The following GLG1 variants were observed in gnomAD, a reference collection of about 807,000 sequenced individuals.
The protein encoded by GLG1 is Golgi apparatus protein 1.
In GLG1, 38 loss-of-function variants were observed where a neutral mutation model predicts 160.5. That is an observed-to-expected ratio of 0.24 (90% confidence interval 0.18 to 0.31). The LOEUF is 0.31. GLG1 is among the 10% of genes least tolerant of loss of function. The pLI, the probability that GLG1 is intolerant of heterozygous loss-of-function variation, is 1.00. For synonymous variants in GLG1, 644 were observed against 543.4 expected (o/e 1.19, Z -2.57); for missense variants, 1,373 against 1,505.2 (o/e 0.91, Z 1.45).
At chr16:74,538,042 T>C (rs1253628862) in intron 1 of GLG1, among the ~76,000 whole-genome samples, 2 of 151,302 alleles carry the variant, frequency 1.3e-5, no homozygotes, top group African/African-American at 2.4e-5. Context: ...GAGTTGGATG[T>C]TGTCTAAAAT....
At chr16:74,483,949 G>A (rs1030592080) in intron 9 of GLG1, among the ~76,000 whole-genome samples, 14 of 152,028 alleles carry the variant, frequency 9.2e-5, no homozygotes, top group East Asian at 1.9e-4. Context: ...GTGAGCCACC[G>A]TGCCCGGCCC....
At chr16:74,578,957 G>C (rs958447888) in intron 1 of GLG1, among the ~76,000 whole-genome samples, 14 of 152,156 alleles carry the variant, frequency 9.2e-5, no homozygotes, top group Non-Finnish European at 2.1e-4. Context: ...ATTTATGTCT[G>C]CATTTATTAA....
chr16:74,504,280 C>A lies in GLG1; in HGVS notation c.559-534G>T, dbSNP rs181007073. ...GGGAAGGTGTAATATTACTTCTTGA[C>A]ATGACATTATTATTATTTATCTTTT... is the stretch of plus-strand genomic sequence containing the variant. On this transcript the variant is annotated intron_variant, in intron 3 of 25. Transcript: ENST00000422840. Among the ~76,000 whole-genome samples the A allele has an allele frequency of 9.7e-4, 147 of 152,258 alleles. 1 individual carries two copies. Among genetic ancestry groups the A allele is most frequent in the Admixed American group, 1.9e-3 (29 of 15,286 alleles).
chr16:74,490,354 C>A (rs542483605), intron 8 of GLG1, among the ~76,000 whole-genome samples: 37 of 152,320 alleles, frequency 2.4e-4, no homozygotes, highest in African/African-American at 8.2e-4. Flanking sequence ...AAAGGACTCC[C>A]ACCATGGCAC....
At chr16:74,586,755 G>C (rs913400644) in intron 1 of GLG1, among the ~76,000 whole-genome samples, 5 of 151,680 alleles carry the variant, frequency 3.3e-5, no homozygotes, top group Admixed American at 1.3e-4. Flanking sequence ...CTAGAGTGCA[G>C]TGGCGTGATC....
intron 1 of GLG1, among the ~76,000 whole-genome samples, chr16:74,567,179 T>C (rs969271703): frequency 6.7e-6 from 1 of 149,090 alleles, no homozygotes; most frequent in African/African-American, 2.5e-5. Flanking sequence ...GTGTGTTGTG[T>C]GTGGGGGGTG....
At chr16:74,589,140 A>G (rs1031526706) in intron 1 of GLG1, among the ~76,000 whole-genome samples, 10 of 152,080 alleles carry the variant, frequency 6.6e-5, no homozygotes, top group African/African-American at 1.9e-4. Context: ...CTGTAATCCC[A>G]GCTACTCGAG....
At chr16:74,484,881 G>A (rs929900954) in intron 9 of GLG1, among the ~76,000 whole-genome samples, 1 of 152,014 alleles carries the variant, frequency 6.6e-6, no homozygotes, top group African/African-American at 2.4e-5. Context: ...GCCTCCCAAG[G>A]TGCTGGGATT....
chr16:74,498,604 C>T (rs1362459843), intron 4 of GLG1, among the ~76,000 whole-genome samples: 3 of 149,156 alleles, frequency 2.0e-5, no homozygotes, highest in East Asian at 3.9e-4. Flanking sequence ...GTGGCTCATG[C>T]CTGTAATCCC....
chr16:74,510,781 C>T (rs754972203), intron 2 of GLG1, among the ~76,000 whole-genome samples: 110 of 152,250 alleles, frequency 7.2e-4, no homozygotes, highest in Middle Eastern at 6.8e-3. Flanking sequence ...CAAAGACTGT[C>T]CAGTGGCAGC....
intron 2 of GLG1, among the ~76,000 whole-genome samples, chr16:74,522,838 C>T (rs1267083917): frequency 6.6e-6 from 1 of 152,144 alleles, no homozygotes; most frequent in African/African-American, 2.4e-5. Flanking sequence ...CCTGCATCAC[C>T]ACACCCAGCT....
chr16:74,592,802 T>C (rs1958214754), intron 1 of GLG1, among the ~76,000 whole-genome samples: 1 of 152,166 alleles, frequency 6.6e-6, no homozygotes, highest in African/African-American at 2.4e-5. Context: ...ATTTCATATA[T>C]AATAGGTGTG....
intron 5 of GLG1, 32 bp downstream of exon 5, chr16:74,496,404 TAAAAG>T (rs2016189355): frequency 1.5e-6 from 2 of 1,365,334 alleles, no homozygotes; most frequent in Non-Finnish European, 2.1e-6. Flanking sequence ...TGTGTAAAAA[TAAAAG>T]GAAGAAAAGA....
At chr16:74,469,682 A>C (rs2015127668) in intron 16 of GLG1, 1 of 365,432 alleles carries the variant, frequency 2.7e-6, no homozygotes, top group Non-Finnish European at 5.0e-6. Flanking sequence ...CGCCTCTTTC[A>C]CTCACACTGC....
intron 1 of GLG1, among the ~76,000 whole-genome samples, chr16:74,599,293 C>T (rs775316822): frequency 7.9e-5 from 12 of 152,200 alleles, no homozygotes; most frequent in Non-Finnish European, 1.2e-4. Flanking sequence ...TTCTCTATTT[C>T]GGTCAATACA....
chr16:74,559,315 C>A (rs1597346659), intron 1 of GLG1, among the ~76,000 whole-genome samples: 1 of 150,808 alleles, frequency 6.6e-6, no homozygotes, highest in African/African-American at 2.4e-5. Flanking sequence ...TGGTGGTGTG[C>A]AACTGTAATC....
chr16:74,577,387 T>C (rs1290144740), intron 1 of GLG1, among the ~76,000 whole-genome samples: 3 of 151,824 alleles, frequency 2.0e-5, no homozygotes, highest in South Asian at 4.2e-4. Context: ...CCAGGTGTGG[T>C]GGCAGGCACC....
chr16:74,491,015 T>G lies in GLG1; in HGVS notation c.1435A>C (p.Asn479His). ...TGTCTCCTTACCGCCTGCTGGCAGT[T>G]CATTCCAAGGTTCCCCTTCTCCCCT... ...VRGEKGNLGM[N>H]CQQALQTLIQ... is the part of the protein sequence containing the mutation. Residue 479 changes from asparagine to histidine, a missense_variant, in exon 8 of 26, where the codon AAC (asparagine) becomes CAC (histidine). Transcript: ENST00000422840. 1 of 1,613,382 alleles carries G rather than the reference T, an allele frequency of 6.2e-7. No homozygotes were observed. Among genetic ancestry groups the G allele is most frequent in the Non-Finnish European group, 8.5e-7 (1 of 1,179,290 alleles).
At chr16:74,581,717 C>G (rs1329851418) in intron 1 of GLG1, among the ~76,000 whole-genome samples, 1 of 151,994 alleles carries the variant, frequency 6.6e-6, no homozygotes, top group Non-Finnish European at 1.5e-5. Context: ...TCGAGACCAG[C>G]CTGGCCAACA....
Sources: gnomAD v4.1 joint callset for allele counts (sites outside exome capture counted in the v4.1 genomes callset) on GRCh38, gnomAD v4.1.1 for gene constraint, MANE v1.5 for transcripts, NCBI Gene and HGNC (gene_info 2026-07-23, HGNC 2026-07-21) for gene names.